Variants in WDR45B observed in about 807,000 individuals in gnomAD.
WDR45B encodes WD repeat domain phosphoinositide-interacting protein 3.
In WDR45B, 20 loss-of-function variants were observed where a neutral mutation model predicts 44.6. That is an observed-to-expected ratio of 0.45 (90% confidence interval 0.32 to 0.65). WDR45B has a LOEUF of 0.65. WDR45B is among the 30% of genes least tolerant of loss of function. The probability of loss-of-function intolerance (pLI) is 0.05; values close to 1 mark genes in which losing one functional copy is unlikely to be tolerated. For missense variants in WDR45B, 323 were observed against 430.2 expected (o/e 0.75, Z 2.20); for synonymous variants, 169 against 164.9 (o/e 1.02, Z -0.19).
intron 3 of WDR45B, 74 bp from the exon 4 acceptor site, chr17:82,627,365 G>T: frequency 7.8e-7 from 1 of 1,276,990 alleles, no homozygotes; most frequent in Non-Finnish European, 1.1e-6. Context: ...ATGCCAGCTT[G>T]GCGCCTAAGG....
intron 1 of WDR45B, among the ~76,000 whole-genome samples, chr17:82,647,832 A>T (rs893278440): frequency 6.6e-5 from 10 of 151,934 alleles, no homozygotes; most frequent in African/African-American, 2.4e-4. Context: ...AACAGGGGGC[A>T]AAACGGGGTT....
chr17:82,631,586 ACAG>A (rs1402163169), intron 2 of WDR45B, among the ~76,000 whole-genome samples: 10 of 29,412 alleles, frequency 3.4e-4, no homozygotes, highest in African/African-American at 1.0e-3. Context: ...TGCCCGGCCT[ACAG>A]GACTCATTTT....
intron 2 of WDR45B, among the ~76,000 whole-genome samples, chr17:82,635,772 T>C (rs183565741): frequency 6.6e-6 from 1 of 151,942 alleles, no homozygotes; most frequent in East Asian, 1.9e-4. Context: ...CAAGATGTGA[T>C]TCTAGCTAAT....
intron 1 of WDR45B, 26 bp downstream of exon 1, chr17:82,648,247 CA>C (rs1214329144): frequency 3.1e-6 from 5 of 1,597,476 alleles, no homozygotes; most frequent in Non-Finnish European, 3.4e-6. Context: ...CCCGGCCGGG[CA>C]AGGCGACAGG....
intron 5 of WDR45B, among the ~76,000 whole-genome samples, chr17:82,623,439 C>A (rs548175425): frequency 6.7e-6 from 1 of 149,042 alleles, no homozygotes; most frequent in Admixed American, 6.7e-5. Flanking sequence ...CGGTGGCTCA[C>A]GCCTGTAATC....
Position 82,621,703 on chromosome 17 carries a change from TC to T in WDR45B, c.523del (p.Glu175ArgfsTer14), listed in dbSNP as rs1045428233. On this transcript the variant is annotated frameshift_variant, in exon 6 of 10. Transcript: ENST00000392325. LOFTEE classifies it high-confidence loss of function. The part of the protein sequence containing the change: ...HVQLVDLAST[E>X]KPPVDIPAHE... ...TGCAGGAATGTCCACGGGTGGCTTC[TC>T]CGTGCTGGCCAGGTCCACAAGCTGC... The T allele has an allele frequency of 1.2e-6, 2 of 1,614,066 alleles. No homozygotes were observed. Among genetic ancestry groups the T allele is most frequent in the African/African-American group, 2.7e-5 (2 of 74,918 alleles).
rs909324099 is a variant in WDR45B, at chr17:82,632,257, G to T, written c.143-1235C>A. 9.9e-5 allele frequency among the ~76,000 whole-genome samples: 15 copies of T among 152,014 alleles called. No individual in the cohort carries two copies. In the East Asian group the frequency reaches 1.6e-3, roughly 16 times the overall value. ...GCTCACTACAGCCTCAAACTCCCGG[G>T]CTCAAGGACTCCTCCTGCTTCAGCC... On this transcript the variant is annotated intron_variant, in intron 2 of 9. Coordinates refer to ENST00000392325, the MANE Select transcript of WDR45B (RefSeq NM_019613.4).
At chr17:82,629,200 C>T (rs1021306855) in intron 3 of WDR45B, among the ~76,000 whole-genome samples, 2 of 152,192 alleles carry the variant, frequency 1.3e-5, no homozygotes, top group Non-Finnish European at 2.9e-5. Flanking sequence ...CTTGTTAGCA[C>T]CTGGGGTCCC....
chr17:82,622,848 A>C (rs1211611601), intron 5 of WDR45B, among the ~76,000 whole-genome samples: 1 of 152,160 alleles, frequency 6.6e-6, no homozygotes, highest in Non-Finnish European at 1.5e-5. Context: ...TCAATGGAAG[A>C]GAACAAAAAG....
At chr17:82,628,892 G>A (rs1041518655) in intron 3 of WDR45B, among the ~76,000 whole-genome samples, 3 of 151,800 alleles carry the variant, frequency 2.0e-5, no homozygotes, top group Non-Finnish European at 4.4e-5. Flanking sequence ...CCAGCTACTC[G>A]GGAGGCTGAG....
In WDR45B at chr17:82,615,695, G is replaced by A. The variant is rs527590066; in HGVS notation, c.*224C>T. 5.3e-6 allele frequency: 3 copies of A among 568,434 alleles called. No homozygotes were observed. The highest frequency in any genetic ancestry group is 6.0e-5 in the Admixed American group (2 of 33,336). The allele number at this position is 568,434 out of a possible 1,614,324, so 35.2% of individuals were successfully genotyped here. A position where few individuals can be genotyped will look rare whatever the true frequency, so the allele number is the denominator to read the frequency against. The stretch of plus-strand genomic sequence containing the variant: ...GGAACAGCCAGTGGCCGCCAGTCGA[G>A]CTGGTCACAGCCACTGAGTTACCTA... On this transcript the variant is annotated 3_prime_UTR_variant, in exon 10 of 10. Transcript: ENST00000392325.
chr17:82,624,462 A>G (rs1598264122), intron 5 of WDR45B, among the ~76,000 whole-genome samples: 1 of 151,932 alleles, frequency 6.6e-6, no homozygotes, highest in African/African-American at 2.4e-5. Flanking sequence ...AGGTTTCACC[A>G]CGTTGACCAG....
intron 6 of WDR45B, among the ~76,000 whole-genome samples, chr17:82,620,224 G>A (rs572927109): frequency 2.6e-5 from 4 of 152,226 alleles, no homozygotes; most frequent in African/African-American, 9.6e-5. Context: ...ACCTGAGGTC[G>A]GGAGTTCCAA....
Position 82,631,069 on chromosome 17 carries a change from T to C in WDR45B, c.143-47A>G, listed in dbSNP as rs35187078. On this transcript the variant is annotated intron_variant, in intron 2 of 9. Transcript: ENST00000392325. ...GACCAATGTTACAAGTTAATATGTA[T>C]ATTTTACAATAAAAAAGAAAAGAGA... 4.8e-3 allele frequency: 7,377 copies of C among 1,547,418 alleles called. 271 individuals are homozygous for C. The African/African-American group carries it at 0.08, about 17-fold the overall frequency.
rs546688042 is a variant in WDR45B at position 82,614,649 on chromosome 17, A to T, written c.*1270T>A. On this transcript the variant is annotated 3_prime_UTR_variant, in exon 10 of 10. Coordinates refer to ENST00000392325, the MANE Select transcript of WDR45B (RefSeq NM_019613.4). ...GTGCAAAATTAAACATCATGATTAA[A>T]TACACATGAAAGGAACATGCATACT... The T allele has an allele frequency of 9.5e-4, 145 of 152,816 alleles. No individual in the cohort carries two copies. The highest frequency in any genetic ancestry group is 3.3e-3 in the African/African-American group (136 of 41,598). 9.5% of individuals were successfully genotyped at this position (152,816 alleles called of 1,614,324 possible).
Position 82,643,971 on chromosome 17 carries a change from T to C in WDR45B, c.120A>G (p.Pro40=), listed in dbSNP as rs4789815. ...TACCTTGTTTCTCTTTTTCTTTTAG[T>C]GGATCAGTGTTATAGACTCGGAATC... ...ENGFRVYNTD[P]LKEKEKQEFL... is the part of the protein sequence containing the mutation. Residue 40 remains proline (P), a synonymous_variant, in exon 2 of 10, where the codon CCA becomes CCG. Transcript: ENST00000392325. 8 of 1,614,138 alleles carry C rather than the reference T, an allele frequency of 5.0e-6. No homozygotes were observed. Among genetic ancestry groups the C allele is most frequent in the Non-Finnish European group, 6.8e-6 (8 of 1,180,008 alleles).
In WDR45B at chr17:82,624,006, T is replaced by G. The variant is rs1039402664; in HGVS notation, c.427+1383A>C. On this transcript the variant is annotated intron_variant, in intron 5 of 9. Transcript: ENST00000392325. ...CACTCTGGAAAATAAACGGCCGCAT[T>G]TTATAGTCAGACACAACCACAACAT... Among the ~76,000 whole-genome samples the G allele has an allele frequency of 2.6e-5, 4 of 151,872 alleles. No individual in the cohort carries two copies. The South Asian group carries it at 6.2e-4, about 24-fold the overall frequency.
chr17:82,625,286 C>T lies in WDR45B; in HGVS notation c.427+103G>A, dbSNP rs1027344439. 6.8e-6 allele frequency: 8 copies of T among 1,178,522 alleles called. No homozygotes were observed. In the Admixed American group the frequency reaches 1.4e-4, roughly 21 times the overall value. The allele number at this position is 1,178,522 out of a possible 1,614,324, so 73.0% of individuals were successfully genotyped here. ...CCCTCTGTGCTCAGGATTGCTCTCG[C>T]CAAGCACTTTGCTCAGAGACCTGCT... On this transcript the variant is annotated intron_variant, in intron 5 of 9. Transcript: ENST00000392325.
chr17:82,624,992 A>G lies in WDR45B; in HGVS notation c.427+397T>C, dbSNP rs1266355985. ...CAAAGCCAGAGGCAAAACCCCCAATATAAAAAGATATGAAGATGGTACAAT... is the reference window on the plus strand; with the variant it reads ...CAAAGCCAGAGGCAAAACCCCCAATGTAAAAAGATATGAAGATGGTACAAT... On this transcript the variant is annotated intron_variant, in intron 5 of 9. Coordinates refer to ENST00000392325, the MANE Select transcript of WDR45B (RefSeq NM_019613.4). Among the ~76,000 whole-genome samples, 5 of 152,208 alleles carry G rather than the reference A, an allele frequency of 3.3e-5. No homozygotes were observed. The East Asian group carries it at 9.6e-4, about 29-fold the overall frequency.
Sources: gnomAD v4.1 joint callset for allele counts (sites outside exome capture counted in the v4.1 genomes callset) on GRCh38, gnomAD v4.1.1 for gene constraint, MANE v1.5 for transcripts, NCBI Gene and HGNC (gene_info 2026-07-23, HGNC 2026-07-21) for gene names.